Variants in CD163L1 observed in about 807,000 individuals in gnomAD.
CD163L1 encodes scavenger receptor cysteine-rich type 1 protein M160.
Under a neutral mutation model 165.4 loss-of-function variants are expected in CD163L1, and 124 were observed. That is an observed-to-expected ratio of 0.75 (90% confidence interval 0.65 to 0.87). The LOEUF (loss-of-function observed/expected upper bound fraction) is 0.87. Among genes scored for constraint, CD163L1 ranks in the 40% least tolerant of loss-of-function variants. The pLI is 0.00. For synonymous variants in CD163L1, 585 were observed against 662.2 expected, an observed-to-expected ratio of 0.88 and a Z score of 1.79; for missense variants, 1,525 against 1,799.9, an observed-to-expected ratio of 0.85 and a Z score of 2.76.
chr12:7,399,250 TCTC>T (rs1947851787), intron 6 of CD163L1, among the ~76,000 whole-genome samples: 1 of 151,174 alleles, frequency 6.6e-6, no homozygotes, highest in South Asian at 2.1e-4. Flanking sequence ...CTTCTTTCTC[TCTC>T]TTCTTTCCTC....
chr12:7,393,481 A>G (rs2136487067), intron 8 of CD163L1, among the ~76,000 whole-genome samples: 1 of 152,346 alleles, frequency 6.6e-6, no homozygotes, highest in South Asian at 2.1e-4. Flanking sequence ...GAATGGGCAA[A>G]AGCTGGAAGA....
rs753000784 is a variant in CD163L1, at chr12:7,439,038, C to A, written c.124+2116G>T. ...CCTCTGACATCGGTATCCTCCTCAG[C>A]ACTCATGGCACTGTCTAGGGGCTTC... On this transcript the variant is annotated intron_variant, in intron 2 of 19. Transcript: ENST00000313599. The A allele has an allele frequency of 1.1e-5, 18 of 1,604,194 alleles. No individual in the cohort carries two copies. In the East Asian group the frequency reaches 2.2e-4, roughly 20 times the overall value.
At chr12:7,437,555 A>C (rs1948754899) in intron 2 of CD163L1, among the ~76,000 whole-genome samples, 1 of 151,624 alleles carries the variant, frequency 6.6e-6, no homozygotes, top group South Asian at 2.1e-4. Context: ...CTCATTGTTC[A>C]ATTCCCACCT....
the CD163L1 span, among the ~76,000 whole-genome samples, chr12:7,331,297 C>T: frequency 6.6e-6 from 1 of 152,254 alleles, no homozygotes; most frequent in Non-Finnish European, 1.5e-5. Context: ...GAAGCTCAAA[C>T]TGGGTGGAGC....
intron 4 of CD163L1, among the ~76,000 whole-genome samples, chr12:7,414,951 C>CTT (rs1265904044): frequency 1.3e-5 from 2 of 151,942 alleles, no homozygotes; most frequent in East Asian, 3.9e-4. Context: ...AAAAGAAGTG[C>CTT]TAAATAACGA....
At position 7,438,800 on chromosome 12, in the gene CD163L1, C is replaced by CAG. The variant is rs1948773994; in HGVS notation, c.124+2352_124+2353dup. On this transcript the variant is annotated intron_variant, in intron 2 of 19. Coordinates refer to ENST00000313599, the MANE Select transcript of CD163L1 (RefSeq NM_174941.6). ...TACCTCCTCGGCTGAGTCCATGGAC[C>CAG]AGAGGCCTCTCTCTTCCCCGCTCAA... 23 of 1,516,238 alleles carry CAG rather than the reference C, an allele frequency of 1.5e-5. No individual in the cohort carries two copies. In the East Asian group the frequency reaches 4.7e-4, roughly 31 times the overall value. The allele number at this position is 1,516,238 out of a possible 1,614,324, so 93.9% of individuals were successfully genotyped here. A position where few individuals can be genotyped will look rare whatever the true frequency, so the allele number is the denominator to read the frequency against.
the CD163L1 span, chr12:7,323,180 T>A: frequency 6.8e-7 from 1 of 1,465,006 alleles, no homozygotes; most frequent in East Asian, 2.4e-5. Flanking sequence ...TGCCATGATA[T>A]AGTTTCAGAA....
chr12:7,345,132 CTTTT>C (rs75576901), downstream of CD163L1, among the ~76,000 whole-genome samples: 4 of 139,016 alleles, frequency 2.9e-5, no homozygotes, highest in African/African-American at 5.3e-5. Context: ...ACTGATAATG[CTTTT>C]TTTTTTTTTT....
chr12:7,324,399 G>C, the CD163L1 span: 8 of 1,613,962 alleles, frequency 5.0e-6, no homozygotes, highest in Non-Finnish European at 5.9e-6. Flanking sequence ...TATATCCTCT[G>C]GGTTTGTATA....
At chr12:7,324,331 G>C in the CD163L1 span, 1 of 1,614,070 alleles carries the variant, frequency 6.2e-7, no homozygotes, top group Admixed American at 1.7e-5. Context: ...ACTGGAGACA[G>C]AGGAGTGATG....
At chr12:7,350,575 A>G (rs1213082303), downstream of CD163L1, among the ~76,000 whole-genome samples, 1 of 152,172 alleles carries the variant, frequency 6.6e-6, no homozygotes, top group African/African-American at 2.4e-5. Flanking sequence ...ATGTCAATTT[A>G]TATCATAGTA....
At position 7,396,189 on chromosome 12, in the gene CD163L1, A is replaced by G. The variant is rs201046873; in HGVS notation, c.1956T>C (p.Cys652=). The G allele has an allele frequency of 5.9e-5, 95 of 1,614,126 alleles. No homozygotes were observed. In the Admixed American group the frequency reaches 1.5e-3, roughly 25 times the overall value. Residue 652 remains cysteine (C), a synonymous_variant, in exon 8 of 20, where the codon TGT becomes TGC. Coordinates refer to ENST00000313599, the MANE Select transcript of CD163L1 (RefSeq NM_174941.6). ...YGKIWLDDVS[C]DGDESDLWSC... is the part of the protein sequence containing the mutation. ...ACCAGAGATCTGACTCATCTCCATCACAGGAAACATCATCGAGCCAAATTT... is the reference window on the plus strand; with the variant it reads ...ACCAGAGATCTGACTCATCTCCATCGCAGGAAACATCATCGAGCCAAATTT...
chr12:7,370,210 C>T (rs1255440092), intron 14 of CD163L1, among the ~76,000 whole-genome samples: 1 of 152,202 alleles, frequency 6.6e-6, no homozygotes, highest in African/African-American at 2.4e-5. Flanking sequence ...CCTCTCGTCA[C>T]ATGGCTGTGT....
chr12:7,381,831 C>T (rs937156908), intron 8 of CD163L1, among the ~76,000 whole-genome samples: 11 of 151,774 alleles, frequency 7.2e-5, no homozygotes, highest in African/African-American at 2.7e-4. Flanking sequence ...AAGGGAAAAA[C>T]ATATTTCACT....
intron 8 of CD163L1, among the ~76,000 whole-genome samples, chr12:7,395,127 A>G (rs1947745246): frequency 6.6e-6 from 1 of 152,244 alleles, no homozygotes; most frequent in Non-Finnish European, 1.5e-5. Context: ...TCATGCTGCT[A>G]TAAAGATACA....
the CD163L1 span, chr12:7,324,173 C>T: frequency 7.1e-7 from 1 of 1,407,444 alleles, no homozygotes. Context: ...AAAAAATTTC[C>T]TATATAAGTA....
At chr12:7,384,474 A>T (rs1036641524) in intron 8 of CD163L1, among the ~76,000 whole-genome samples, 4 of 152,248 alleles carry the variant, frequency 2.6e-5, no homozygotes, top group Admixed American at 2.6e-4. Flanking sequence ...CCTCCCACAA[A>T]ATGTATTCTC....
the CD163L1 span, among the ~76,000 whole-genome samples, chr12:7,324,094 C>T: frequency 6.6e-6 from 1 of 151,774 alleles, no homozygotes; most frequent in Non-Finnish European, 1.5e-5. Flanking sequence ...GAGAGGATCA[C>T]TAGAGCCCAG....
intron 8 of CD163L1, among the ~76,000 whole-genome samples, chr12:7,388,255 C>T (rs528170768): frequency 1.4e-4 from 21 of 152,198 alleles, no homozygotes; most frequent in South Asian, 4.1e-4. Flanking sequence ...GGCATCAAAA[C>T]GAAAAGGAGA....
Sources: allele counts gnomAD v4.1 joint callset (sites outside exome capture counted in the v4.1 genomes callset), GRCh38; gene constraint gnomAD v4.1.1; transcripts MANE v1.5; gene names NCBI Gene and HGNC (gene_info 2026-07-23, HGNC 2026-07-21).